SLC9A9: variants seen among roughly 807,000 people sequenced by gnomAD.
SLC9A9 encodes solute carrier family 9 member A9.
SLC9A9 carries 62 observed loss-of-function variants against 77.8 expected under a neutral mutation model. The ratio of observed to expected loss-of-function variants is 0.80; its 90% CI spans 0.65 to 0.98. The LOEUF (loss-of-function observed/expected upper bound fraction) is 0.98, where lower values mean the gene tolerates loss of function less well. Ranked by LOEUF, SLC9A9 falls within the 50% of genes least tolerant of loss-of-function variation. The pLI is 0.00. For missense variants in SLC9A9, 775 were observed against 774.9 expected, an observed-to-expected ratio of 1.00 and a Z score of 0.00; for synonymous variants, 320 against 283.5, an observed-to-expected ratio of 1.13 and a Z score of -1.29.
intron 5 of SLC9A9, among the ~76,000 whole-genome samples, chr3:143,672,272 C>A (rs2039168391): frequency 6.6e-6 from 1 of 151,812 alleles, no homozygotes; most frequent in Non-Finnish European, 1.5e-5. Flanking sequence ...TGATGAGAAA[C>A]CACAAGTGTA....
At chr3:143,752,626 G>A (rs1159388514) in intron 4 of SLC9A9, among the ~76,000 whole-genome samples, 1 of 151,730 alleles carries the variant, frequency 6.6e-6, no homozygotes, top group Non-Finnish European at 1.5e-5. Context: ...AAGTCTGGCT[G>A]CCTGCACAGA....
intron 6 of SLC9A9, among the ~76,000 whole-genome samples, chr3:143,597,902 T>G (rs1377587684): frequency 6.6e-6 from 1 of 152,204 alleles, no homozygotes; most frequent in African/African-American, 2.4e-5. Flanking sequence ...AACGCCATTA[T>G]GCAACTCTGT....
At chr3:143,847,115 A>T (rs971520704) in intron 1 of SLC9A9, among the ~76,000 whole-genome samples, 1 of 152,196 alleles carries the variant, frequency 6.6e-6, no homozygotes, top group African/African-American at 2.4e-5. Context: ...ACACCACAGG[A>T]TTAGCATATA....
chr3:143,458,142 G>T (rs1164478340), intron 12 of SLC9A9, among the ~76,000 whole-genome samples: 1 of 152,002 alleles, frequency 6.6e-6, no homozygotes, highest in Non-Finnish European at 1.5e-5. Context: ...ATTTTATATA[G>T]TTCTGTCTTT....
chr3:143,433,427 G>T (rs563967447), intron 12 of SLC9A9, among the ~76,000 whole-genome samples: 1 of 152,308 alleles, frequency 6.6e-6, no homozygotes, highest in East Asian at 1.9e-4. Context: ...CACTTCAGCA[G>T]ATCAAGGAGA....
chr3:143,361,818 T>G (rs1199890932), intron 14 of SLC9A9, among the ~76,000 whole-genome samples: 1 of 152,236 alleles, frequency 6.6e-6, no homozygotes, highest in African/African-American at 2.4e-5. Flanking sequence ...CTAAAAATTT[T>G]GATGGACTTC....
At chr3:143,581,196 C>G (rs1324564195) in intron 6 of SLC9A9, among the ~76,000 whole-genome samples, 4 of 152,088 alleles carry the variant, frequency 2.6e-5, no homozygotes, top group African/African-American at 9.7e-5. Flanking sequence ...GAGAGTATTC[C>G]AGGCAGTGGA....
In SLC9A9 at chr3:143,363,535, G is replaced by C; in HGVS notation, c.1553C>G (p.Thr518Arg). 6.2e-7 allele frequency: 1 copy of C among 1,612,842 alleles called. No homozygotes were observed. The highest frequency in any genetic ancestry group is 8.5e-7 in the Non-Finnish European group (1 of 1,179,202). The change falls in exon 14 of 16, where the codon ACG becomes AGG. Residue 518 changes from threonine to arginine, a missense_variant. By Grantham distance (71) the Thr-to-Arg change is moderately conservative. Coordinates refer to ENST00000316549, the MANE Select transcript of SLC9A9 (RefSeq NM_173653.4). The stretch of plus-strand genomic sequence containing the variant: ...GAAGAGCCGAGCACTCTCTGCTTTC[G>C]TCATGTTTTTATCCAAGTTATTTGC... Reference protein sequence around the residue: ...QEANNLDKNMTKAESARLFRM... With the variant: ...QEANNLDKNMRKAESARLFRM...
intron 7 of SLC9A9, 81 bp from the exon 8 acceptor site, chr3:143,574,274 G>C: frequency 8.8e-7 from 1 of 1,133,394 alleles, no homozygotes; most frequent in Non-Finnish European, 1.3e-6. Context: ...AACTGATCTG[G>C]TGATGATAGC....
intron 11 of SLC9A9, among the ~76,000 whole-genome samples, chr3:143,474,082 G>A (rs1481313904): frequency 6.6e-6 from 1 of 152,176 alleles, no homozygotes. Context: ...GAACCTAATA[G>A]AGGGAGAAGC....
intron 15 of SLC9A9, among the ~76,000 whole-genome samples, chr3:143,267,207 T>C (rs2108393869): frequency 6.6e-6 from 1 of 152,220 alleles, no homozygotes; most frequent in East Asian, 1.9e-4. Flanking sequence ...TAAGGATGTT[T>C]CCACCACTGG....
chr3:143,526,593 G>A (rs1156908033), intron 9 of SLC9A9, among the ~76,000 whole-genome samples: 1 of 152,068 alleles, frequency 6.6e-6, no homozygotes, highest in Non-Finnish European at 1.5e-5. Context: ...GCTGCATCCT[G>A]CCTCCTCACA....
In SLC9A9 at chr3:143,546,242, T is replaced by G. The variant is rs114639607; in HGVS notation, c.1089+6120A>C. Among the ~76,000 whole-genome samples, 325 of 152,328 alleles carry G rather than the reference T, an allele frequency of 2.1e-3. 2 individuals carry two copies. Among genetic ancestry groups the G allele is most frequent in the African/African-American group, 7.2e-3 (301 of 41,574 alleles). ...GTCTTCTTTTATTGGAAATTTAAAT[T>G]TGGATTTGCATTGCTGCTTTTCCAT... On this transcript the variant is annotated intron_variant, in intron 9 of 15. Transcript: ENST00000316549.
intron 14 of SLC9A9, among the ~76,000 whole-genome samples, chr3:143,324,612 A>T (rs1043333239): frequency 2.0e-5 from 3 of 152,154 alleles, no homozygotes; most frequent in Non-Finnish European, 2.9e-5. Flanking sequence ...GTTTGAGCCC[A>T]GGAATTTGAG....
At chr3:143,410,404 A>C (rs1170589525) in intron 12 of SLC9A9, among the ~76,000 whole-genome samples, 1 of 152,108 alleles carries the variant, frequency 6.6e-6, no homozygotes, top group African/African-American at 2.4e-5. Context: ...TCTCAAACTT[A>C]GTCTTTCTTC....
chr3:143,650,907 AT>A (rs1395737939), intron 6 of SLC9A9, among the ~76,000 whole-genome samples: 2 of 152,202 alleles, frequency 1.3e-5, no homozygotes, highest in Non-Finnish European at 2.9e-5. Context: ...TAGAGTCTGC[AT>A]TTTTAATGGA....
intron 14 of SLC9A9, among the ~76,000 whole-genome samples, chr3:143,316,319 G>A (rs995623637): frequency 3.9e-5 from 6 of 152,100 alleles, no homozygotes; most frequent in African/African-American, 7.2e-5. Context: ...GTGTAATTAC[G>A]GCATAATCTC....
At chr3:143,461,324 C>T (rs1461504508) in intron 12 of SLC9A9, among the ~76,000 whole-genome samples, 2 of 152,128 alleles carry the variant, frequency 1.3e-5, no homozygotes, top group South Asian at 2.1e-4. Flanking sequence ...GGAAAATGGT[C>T]TAAACCTTCC....
At chr3:143,430,005 G>A (rs893640281) in intron 12 of SLC9A9, among the ~76,000 whole-genome samples, 4 of 152,192 alleles carry the variant, frequency 2.6e-5, no homozygotes, top group Non-Finnish European at 4.4e-5. Flanking sequence ...ACTGAAACCA[G>A]CCACTCTGGT....
Sources: gnomAD v4.1 joint callset for allele counts (sites outside exome capture counted in the v4.1 genomes callset) on GRCh38, gnomAD v4.1.1 for gene constraint, MANE v1.5 for transcripts, NCBI Gene and HGNC (gene_info 2026-07-23, HGNC 2026-07-21) for gene names.